The following BCAR3 variants were observed in gnomAD, a reference collection of about 807,000 sequenced individuals.
The protein encoded by BCAR3 is BCAR3 adaptor protein, NSP family member.
Under a neutral mutation model 80.1 loss-of-function variants are expected in BCAR3, and 37 were observed. The ratio of observed to expected loss-of-function variants is 0.46; its 90% CI spans 0.36 to 0.61. The LOEUF is 0.61. BCAR3 is among the 20% of genes least tolerant of loss of function. BCAR3 has a pLI of 0.00. For missense variants in BCAR3, 978 were observed against 1,068.2 expected, an observed-to-expected ratio of 0.92 and a Z score of 1.18; for synonymous variants, 389 against 418.9, an observed-to-expected ratio of 0.93 and a Z score of 0.87.
intron 5 of BCAR3, among the ~76,000 whole-genome samples, chr1:93,587,701 C>A (rs61009931): frequency 0.21 from 30,025 of 143,120 alleles, 3,761 homozygotes; most frequent in African/African-American, 0.35. Context: ...ACCCCCCCGC[C>A]AAAAAAAAAA....
intron 3 of BCAR3, among the ~76,000 whole-genome samples, chr1:93,698,855 G>A (rs1027542640): frequency 2.0e-5 from 3 of 152,192 alleles, no homozygotes; most frequent in Admixed American, 2.0e-4. Context: ...CACTACTGAC[G>A]ACAGCCCACA....
chr1:93,738,953 G>A (rs1017763041), intron 2 of BCAR3, among the ~76,000 whole-genome samples: 1 of 152,112 alleles, frequency 6.6e-6, no homozygotes, highest in Non-Finnish European at 1.5e-5. Flanking sequence ...CAAAGCCTTG[G>A]CCTCTGTCCT....
At chr1:93,641,754 A>T (rs1179612533) in intron 3 of BCAR3, among the ~76,000 whole-genome samples, 1 of 152,180 alleles carries the variant, frequency 6.6e-6, no homozygotes, top group African/African-American at 2.4e-5. Flanking sequence ...TGACTCATAA[A>T]ATCTCAGGGA....
chr1:93,574,807 C>G (rs74101610), intron 8 of BCAR3, among the ~76,000 whole-genome samples: 2,318 of 152,300 alleles, frequency 0.015, 54 homozygotes, highest in African/African-American at 0.052. Flanking sequence ...TCAGGAAGAG[C>G]AGGGAAATTC....
rs1470130604 is a variant in BCAR3 at position 93,589,182 on chromosome 1, A to C, written c.724T>G (p.Ser242Ala). ...AAGATGATGGCGCCACTCTGCTGGG[A>C]GATGGGCCGGCGGTTGCCCACGTAG... is the stretch of plus-strand genomic sequence containing the variant. The part of the protein sequence containing the change: ...RCYVGNRRPI[S>A]QQSGAIIFQP... The change falls in exon 5 of 12, where the codon TCC becomes GCC. Residue 242 changes from serine (S) to alanine (A), a missense_variant. By Grantham distance (99) the Ser-to-Ala change is moderately conservative. Transcript: ENST00000260502. 1.2e-6 allele frequency: 2 copies of C among 1,613,852 alleles called. No homozygotes were observed. Among genetic ancestry groups the C allele is most frequent in the Non-Finnish European group, 1.7e-6 (2 of 1,179,956 alleles).
chr1:93,711,025 C>T (rs980469604), intron 2 of BCAR3, among the ~76,000 whole-genome samples: 1 of 151,412 alleles, frequency 6.6e-6, no homozygotes, highest in African/African-American at 2.4e-5. Context: ...TATGACCCCT[C>T]CATGGGCTGA....
intron 11 of BCAR3, among the ~76,000 whole-genome samples, chr1:93,565,935 G>T (rs1319983856): frequency 6.6e-6 from 1 of 152,204 alleles, no homozygotes; most frequent in African/African-American, 2.4e-5. Context: ...CATCCTTGAT[G>T]ACTGCCTTGG....
chr1:93,804,098 G>A (rs1653584167), intron 2 of BCAR3, among the ~76,000 whole-genome samples: 1 of 152,152 alleles, frequency 6.6e-6, no homozygotes, highest in Admixed American at 6.5e-5. Flanking sequence ...ATGGCTTACA[G>A]CCAGGAGTTT....
chr1:93,569,293 G>A (rs1487525690), intron 9 of BCAR3, among the ~76,000 whole-genome samples: 1 of 152,210 alleles, frequency 6.6e-6, no homozygotes, highest in African/African-American at 2.4e-5. Context: ...AACTGCCCAA[G>A]GCTTCCCAGC....
At chr1:93,651,265 G>A (rs962593048) in intron 2 of BCAR3, among the ~76,000 whole-genome samples, 2 of 152,136 alleles carry the variant, frequency 1.3e-5, no homozygotes, top group African/African-American at 4.8e-5. Flanking sequence ...GGACCTACGG[G>A]GAGGAAGATT....
chr1:93,845,502 A>ATCTATATCATGTTGTCAAG, intron 2 of BCAR3: 1 of 113,822 alleles, frequency 8.8e-6, no homozygotes, highest in Admixed American at 9.5e-5. Flanking sequence ...ATATATATAT[A>ATCTATATCATGTTGTCAAG]AAACTTTGTT....
At chr1:93,818,463 C>G (rs745816769) in intron 2 of BCAR3, among the ~76,000 whole-genome samples, 6 of 152,174 alleles carry the variant, frequency 3.9e-5, no homozygotes, top group African/African-American at 1.4e-4. Context: ...ACCTGGGCTG[C>G]CTACTGTCGT....
intron 2 of BCAR3, among the ~76,000 whole-genome samples, chr1:93,752,341 T>C (rs4354545): frequency 0.12 from 17,822 of 152,220 alleles, 1,470 homozygotes; most frequent in African/African-American, 0.22. Context: ...TAGGGAGCTG[T>C]GAGGTTTCTC....
At chr1:93,732,432 T>G (rs1007790122) in intron 2 of BCAR3, among the ~76,000 whole-genome samples, 2 of 152,030 alleles carry the variant, frequency 1.3e-5, no homozygotes, top group East Asian at 3.9e-4. Flanking sequence ...CTGGCCAACA[T>G]GGCAAAACCC....
intron 2 of BCAR3, among the ~76,000 whole-genome samples, chr1:93,717,500 G>A (rs1430025399): frequency 2.6e-5 from 4 of 152,064 alleles, no homozygotes; most frequent in African/African-American, 4.8e-5. Context: ...CGAGGTAGGC[G>A]GATTGCCTGA....
At chr1:93,801,495 A>T (rs1653478265) in intron 2 of BCAR3, among the ~76,000 whole-genome samples, 1 of 152,262 alleles carries the variant, frequency 6.6e-6, no homozygotes, top group South Asian at 2.1e-4. Flanking sequence ...TATTGTCTAA[A>T]ACCCTTTTCA....
chr1:93,710,485 CT>C (rs1211898929), intron 2 of BCAR3, among the ~76,000 whole-genome samples: 2 of 152,144 alleles, frequency 1.3e-5, no homozygotes, highest in African/African-American at 4.8e-5. Flanking sequence ...TCTGGGTTTC[CT>C]TGAAGCCCCT....
chr1:93,816,684 A>AC (rs1413253671), intron 2 of BCAR3, among the ~76,000 whole-genome samples: 3 of 151,238 alleles, frequency 2.0e-5, no homozygotes, highest in Non-Finnish European at 4.4e-5. Flanking sequence ...AAAAAAAAAA[A>AC]AAAAAAAAAA....
intron 3 of BCAR3, chr1:93,594,542 G>A (rs1674347138): frequency 6.6e-6 from 1 of 152,254 alleles, no homozygotes; most frequent in Non-Finnish European, 1.5e-5. Flanking sequence ...ACCAGCCCTG[G>A]ACCGCCAGCC....
Sources: gnomAD v4.1 joint callset for allele counts (sites outside exome capture counted in the v4.1 genomes callset) on GRCh38, gnomAD v4.1.1 for gene constraint, MANE v1.5 for transcripts, NCBI Gene and HGNC (gene_info 2026-07-23, HGNC 2026-07-21) for gene names.